KCNH8: variants seen among roughly 807,000 people sequenced by gnomAD.
The protein encoded by KCNH8 is voltage-gated delayed rectifier potassium channel KCNH8.
KCNH8 carries 70 observed loss-of-function variants against 103.6 expected under a neutral mutation model. That is an observed-to-expected ratio of 0.68 (90% CI 0.56 to 0.82). The LOEUF is 0.82. KCNH8 is among the 40% of genes least tolerant of loss of function. The pLI, the probability that KCNH8 is intolerant of heterozygous loss-of-function variation, is 0.00. For missense variants in KCNH8, 1,217 were observed against 1,329.9 expected, an observed-to-expected ratio of 0.92 and a Z score of 1.32; for synonymous variants, 498 against 489.4, an observed-to-expected ratio of 1.02 and a Z score of -0.23.
chr3:19,256,497 CAA>C (rs1396951579), intron 2 of KCNH8, among the ~76,000 whole-genome samples: 1 of 152,020 alleles, frequency 6.6e-6, no homozygotes, highest in African/African-American at 2.4e-5. Flanking sequence ...CAGGGAGTGA[CAA>C]AGCTGCCATC....
At chr3:19,350,331 A>G (rs1013874980) in intron 5 of KCNH8, among the ~76,000 whole-genome samples, 2 of 152,076 alleles carry the variant, frequency 1.3e-5, no homozygotes, top group Admixed American at 6.6e-5. Context: ...TATTTATTAA[A>G]TTACTGCAGA....
intron 3 of KCNH8, among the ~76,000 whole-genome samples, chr3:19,317,628 T>C (rs1031272851): frequency 3.3e-5 from 5 of 151,862 alleles, no homozygotes; most frequent in African/African-American, 9.7e-5. Context: ...AGCAGTTGCA[T>C]TAAGTAGGTA....
intron 5 of KCNH8, among the ~76,000 whole-genome samples, chr3:19,350,544 C>CCA (rs2065786515): frequency 1.3e-5 from 2 of 152,224 alleles, no homozygotes; most frequent in African/African-American, 4.8e-5. Context: ...GAGGAAGGAT[C>CCA]AGGCAGCAAC....
intron 2 of KCNH8, among the ~76,000 whole-genome samples, chr3:19,280,116 A>AT (rs1353097225): frequency 6.6e-6 from 1 of 152,030 alleles, no homozygotes; most frequent in Non-Finnish European, 1.5e-5. Flanking sequence ...ACAGTGCAAG[A>AT]TTTTTTTACA....
At chr3:19,503,599 TA>T (rs1177446471) in intron 11 of KCNH8, among the ~76,000 whole-genome samples, 1 of 152,086 alleles carries the variant, frequency 6.6e-6, no homozygotes, top group African/African-American at 2.4e-5. Context: ...TATGCAGCCA[TA>T]AAAAATGATG....
At chr3:19,430,988 C>A (rs2067112927) in intron 7 of KCNH8, among the ~76,000 whole-genome samples, 1 of 152,114 alleles carries the variant, frequency 6.6e-6, no homozygotes, top group African/African-American at 2.4e-5. Context: ...CTTTCTCTTG[C>A]CTGATTGCCC....
chr3:19,201,971 C>A (rs1253392918), intron 1 of KCNH8, among the ~76,000 whole-genome samples: 1 of 152,086 alleles, frequency 6.6e-6, no homozygotes, highest in Non-Finnish European at 1.5e-5. Context: ...CAGAATAACA[C>A]TAAGAAGTAA....
chr3:19,169,340 G>C (rs1207748128), intron 1 of KCNH8, among the ~76,000 whole-genome samples: 1 of 146,552 alleles, frequency 6.8e-6, no homozygotes, highest in South Asian at 2.2e-4. Flanking sequence ...CTCACTGCAA[G>C]CTCCGCCTCC....
intron 7 of KCNH8, among the ~76,000 whole-genome samples, chr3:19,397,110 A>T (rs1207524115): frequency 6.6e-6 from 1 of 151,940 alleles, no homozygotes; most frequent in African/African-American, 2.4e-5. Context: ...TTCCCACAAC[A>T]TATAGAGGTA....
At chr3:19,492,330 C>A (rs111891730) in intron 11 of KCNH8, among the ~76,000 whole-genome samples, 4 of 152,120 alleles carry the variant, frequency 2.6e-5, no homozygotes, top group Non-Finnish European at 2.9e-5. Flanking sequence ...TATCTTTCAT[C>A]CATCTTGAGT....
At chr3:19,339,301 C>T (rs1011516496) in intron 3 of KCNH8, among the ~76,000 whole-genome samples, 2 of 151,968 alleles carry the variant, frequency 1.3e-5, no homozygotes, top group African/African-American at 2.4e-5. Flanking sequence ...ATATCTAAAC[C>T]GGTTCATTTT....
intron 1 of KCNH8, among the ~76,000 whole-genome samples, chr3:19,218,379 A>T (rs1404774811): frequency 1.3e-5 from 2 of 152,202 alleles, no homozygotes; most frequent in African/African-American, 4.8e-5. Context: ...TTTGAAAAAC[A>T]CCATGAGCTT....
chr3:19,214,129 T>G (rs1435128410), intron 1 of KCNH8, among the ~76,000 whole-genome samples: 1 of 152,222 alleles, frequency 6.6e-6, no homozygotes, highest in East Asian at 1.9e-4. Context: ...AGACCACCTC[T>G]GGCCTGGCCA....
intron 11 of KCNH8, among the ~76,000 whole-genome samples, chr3:19,503,048 C>T (rs200059614): frequency 0.023 from 2,274 of 97,412 alleles, no homozygotes; most frequent in African/African-American, 0.049. Context: ...GGCTAATATC[C>T]AGAATCTACA....
At chr3:19,312,558 A>G (rs1347098443) in intron 3 of KCNH8, among the ~76,000 whole-genome samples, 1 of 151,938 alleles carries the variant, frequency 6.6e-6, no homozygotes. Context: ...TTTCTGAACC[A>G]TCAGTCACTT....
chr3:19,386,064 C>T (rs2066352022), intron 5 of KCNH8, among the ~76,000 whole-genome samples: 1 of 152,056 alleles, frequency 6.6e-6, no homozygotes, highest in African/African-American at 2.4e-5. Context: ...TTAAATTTAA[C>T]CTCTTTTTTT....
chr3:19,346,321 TG>T (rs1185034988), intron 4 of KCNH8, among the ~76,000 whole-genome samples: 1 of 152,076 alleles, frequency 6.6e-6, no homozygotes. Flanking sequence ...CCTTTGGAAC[TG>T]GTTTCTTGAA....
intron 11 of KCNH8, among the ~76,000 whole-genome samples, chr3:19,504,455 A>G (rs1395418805): frequency 2.0e-5 from 3 of 152,228 alleles, no homozygotes; most frequent in African/African-American, 7.2e-5. Context: ...AATATTCAGC[A>G]TCCATAAAGA....
chr3:19,534,141 C>A lies in KCNH8; in HGVS notation c.*42C>A, dbSNP rs1052818928. 6.9e-7 allele frequency: 1 copy of A among 1,446,736 alleles called. No individual in the cohort carries two copies. Among genetic ancestry groups the A allele is most frequent in the Non-Finnish European group, 9.6e-7 (1 of 1,044,818 alleles). 89.6% of individuals were successfully genotyped at this position (1,446,736 alleles called of 1,614,324 possible). On this transcript the variant is annotated 3_prime_UTR_variant, in exon 16 of 16. Coordinates refer to ENST00000328405, the MANE Select transcript of KCNH8 (RefSeq NM_144633.3). Reference sequence around the variant, plus strand: ...GCAGCAGCTAATTTCAAACCTACCACTGCATGACAGTTTTAGTTTGCCTTT... The same window carrying A: ...GCAGCAGCTAATTTCAAACCTACCAATGCATGACAGTTTTAGTTTGCCTTT...
Sources: gnomAD v4.1 joint callset for allele counts (sites outside exome capture counted in the v4.1 genomes callset) on GRCh38, gnomAD v4.1.1 for gene constraint, MANE v1.5 for transcripts, NCBI Gene and HGNC (gene_info 2026-07-23, HGNC 2026-07-21) for gene names.